Variants in SDK1 observed in about 807,000 individuals in gnomAD.
The protein encoded by SDK1 is protein sidekick-1.
A neutral mutation model predicts 245.5 loss-of-function variants in SDK1; 157 were observed. The observed-to-expected ratio is 0.64, with a 90% confidence interval of 0.56 to 0.73. The LOEUF (loss-of-function observed/expected upper bound fraction) is 0.73. Ranked by LOEUF, SDK1 falls within the 30% of genes least tolerant of loss-of-function variation. The probability of loss-of-function intolerance (pLI) is 0.00; values close to 1 mark genes in which losing one functional copy is unlikely to be tolerated. For missense variants in SDK1, 3,583 were observed against 3,002.3 expected, an observed-to-expected ratio of 1.19 and a Z score of -4.52; for synonymous variants, 1,647 against 1,278.5, an observed-to-expected ratio of 1.29 and a Z score of -6.15.
At position 4,000,559 on chromosome 7, in the gene SDK1, G is replaced by A. The variant is rs150524387; in HGVS notation, c.2132-10407G>A. Among the ~76,000 whole-genome samples the A allele has an allele frequency of 3.9e-3, 590 of 152,228 alleles. 11 individuals are homozygous for A. The South Asian group carries it at 0.053, about 14-fold the overall frequency. ...AGGTGCCTTTTCATGTAGGGAACCC[G>A]TCAGCCGTCTCCACGCCGCTCTCCA... is the stretch of plus-strand genomic sequence containing the variant. On this transcript the variant is annotated intron_variant, in intron 14 of 44. Coordinates refer to ENST00000404826, the MANE Select transcript of SDK1 (RefSeq NM_152744.4).
At chr7:3,616,839 G>A (rs1446188460) in intron 1 of SDK1, among the ~76,000 whole-genome samples, 1 of 152,144 alleles carries the variant, frequency 6.6e-6, no homozygotes, top group Non-Finnish European at 1.5e-5. Flanking sequence ...TTTATTAAAT[G>A]TACAGTAGTT....
At chr7:3,770,096 G>A (rs995643587) in intron 4 of SDK1, among the ~76,000 whole-genome samples, 5 of 151,990 alleles carry the variant, frequency 3.3e-5, no homozygotes, top group African/African-American at 9.7e-5. Flanking sequence ...AGTGGTGAAT[G>A]TATTTATAAA....
chr7:3,969,223 C>G (rs747543057), intron 10 of SDK1, 34 bp from the exon 11 acceptor site: 1 of 1,532,664 alleles, frequency 6.5e-7, no homozygotes, highest in Non-Finnish European at 8.8e-7. Flanking sequence ...AGCGTTACGA[C>G]TGTAACATGC....
At chr7:3,398,899 A>G (rs1039858321) in intron 1 of SDK1, among the ~76,000 whole-genome samples, 1 of 151,504 alleles carries the variant, frequency 6.6e-6, no homozygotes, top group Non-Finnish European at 1.5e-5. Context: ...TTGTGTCTCC[A>G]GTTTTCAGTG....
chr7:3,772,406 A>C (rs1453641704), intron 4 of SDK1, among the ~76,000 whole-genome samples: 5 of 152,128 alleles, frequency 3.3e-5, no homozygotes, highest in Non-Finnish European at 7.4e-5. Context: ...CACTGTTTTC[A>C]GTTGTTGATG....
chr7:3,709,186 C>A (rs1193633967), intron 4 of SDK1, among the ~76,000 whole-genome samples: 1 of 152,164 alleles, frequency 6.6e-6, no homozygotes, highest in African/African-American at 2.4e-5. Flanking sequence ...TTTATTTCTC[C>A]TTCAATTATG....
intron 35 of SDK1, among the ~76,000 whole-genome samples, chr7:4,201,864 A>G (rs1321098828): frequency 6.6e-6 from 1 of 151,970 alleles, no homozygotes; most frequent in Non-Finnish European, 1.5e-5. Flanking sequence ...GCTGACGCCT[A>G]GCATGGCACA....
chr7:3,614,247 C>G (rs908792852), intron 1 of SDK1, among the ~76,000 whole-genome samples: 9 of 152,140 alleles, frequency 5.9e-5, no homozygotes, highest in African/African-American at 2.2e-4. Flanking sequence ...GATTTATGTT[C>G]TATTTTAAGA....
chr7:3,463,627 G>T (rs147615447), intron 1 of SDK1, among the ~76,000 whole-genome samples: 1 of 152,156 alleles, frequency 6.6e-6, no homozygotes, highest in Non-Finnish European at 1.5e-5. Flanking sequence ...GCTAAAGTAG[G>T]TGAGTTTTCT....
chr7:3,583,625 T>G (rs1156487100), intron 1 of SDK1, among the ~76,000 whole-genome samples: 1 of 152,050 alleles, frequency 6.6e-6, no homozygotes, highest in Non-Finnish European at 1.5e-5. Context: ...ATGAATAACA[T>G]ATCAGTCTCT....
At chr7:3,680,935 C>T (rs980528747) in intron 4 of SDK1, among the ~76,000 whole-genome samples, 2 of 152,154 alleles carry the variant, frequency 1.3e-5, no homozygotes, top group East Asian at 1.9e-4. Flanking sequence ...CTCCACCTCC[C>T]GGGTTCAAGC....
At chr7:3,780,902 G>T (rs909440640) in intron 4 of SDK1, among the ~76,000 whole-genome samples, 1 of 152,094 alleles carries the variant, frequency 6.6e-6, no homozygotes, top group Non-Finnish European at 1.5e-5. Flanking sequence ...GAAGGGGTTA[G>T]ATCAGCTTTA....
At chr7:3,943,703 CTT>C (rs997876515) in intron 5 of SDK1, among the ~76,000 whole-genome samples, 1 of 151,960 alleles carries the variant, frequency 6.6e-6, no homozygotes, top group Non-Finnish European at 1.5e-5. Flanking sequence ...TTCGGGTTAA[CTT>C]TGAACTTTAT....
intron 13 of SDK1, among the ~76,000 whole-genome samples, chr7:3,979,396 A>T (rs745538954): frequency 4.6e-5 from 7 of 152,054 alleles, no homozygotes; most frequent in Admixed American, 1.3e-4. Flanking sequence ...TTTACCCTGC[A>T]TTATTCTGAC....
intron 44 of SDK1, among the ~76,000 whole-genome samples, chr7:4,261,607 C>CA (rs1467428623): frequency 6.6e-6 from 1 of 152,176 alleles, no homozygotes; most frequent in African/African-American, 2.4e-5. Flanking sequence ...AAAGAATGCA[C>CA]ATTCCCCGGC....
At chr7:3,678,566 C>T (rs1485043905) in intron 4 of SDK1, among the ~76,000 whole-genome samples, 1 of 152,142 alleles carries the variant, frequency 6.6e-6, no homozygotes, top group Non-Finnish European at 1.5e-5. Context: ...TACATGAGGT[C>T]TCTAGAATAC....
intron 17 of SDK1, among the ~76,000 whole-genome samples, chr7:4,019,110 C>T (rs1384541202): frequency 6.6e-6 from 1 of 152,174 alleles, no homozygotes; most frequent in African/African-American, 2.4e-5. Context: ...AAAACAGGAA[C>T]AGGCCCAGTG....
intron 19 of SDK1, among the ~76,000 whole-genome samples, chr7:4,062,000 G>A (rs891562200): frequency 9.5e-6 from 1 of 104,764 alleles, no homozygotes; most frequent in African/African-American, 3.7e-5. Flanking sequence ...GGGGAGGGGG[G>A]AGGGATAGCA....
At chr7:4,040,261 G>C (rs1019819181) in intron 17 of SDK1, among the ~76,000 whole-genome samples, 52 of 152,256 alleles carry the variant, frequency 3.4e-4, no homozygotes, top group African/African-American at 1.2e-3. Flanking sequence ...TCTTAATCCA[G>C]TCCCTGCTCC....
Sources: allele counts gnomAD v4.1 joint callset (sites outside exome capture counted in the v4.1 genomes callset), GRCh38; gene constraint gnomAD v4.1.1; transcripts MANE v1.5; gene names NCBI Gene and HGNC (gene_info 2026-07-23, HGNC 2026-07-21).